Variants in TSC1 observed in about 807,000 individuals in gnomAD.
TSC1 encodes TSC complex subunit 1, also known as hamartin.
Under a neutral mutation model 124.3 loss-of-function variants are expected in TSC1, and 20 were observed. The observed-to-expected ratio is 0.16, with a 90% CI of 0.11 to 0.23. The LOEUF is 0.23. Among genes scored for constraint, TSC1 ranks in the 10% least tolerant of loss-of-function variants. The pLI is 1.00. For missense variants in TSC1, 1,124 were observed against 1,448.5 expected (o/e 0.78, Z 3.64); for synonymous variants, 493 against 539.1 (o/e 0.91, Z 1.19).
upstream of TSC1, among the ~76,000 whole-genome samples, chr9:132,945,034 G>A (rs1443452423): frequency 1.3e-5 from 2 of 152,062 alleles, no homozygotes; most frequent in South Asian, 2.1e-4. Flanking sequence ...CCCTGCCCCT[G>A]CCCCCCGAGT....
rs752706206 is a variant in TSC1, at chr9:132,921,337, T to A, written c.737+26A>T. The A allele has an allele frequency of 6.2e-7, 1 of 1,611,796 alleles. No homozygotes were observed. The highest frequency in any genetic ancestry group is 1.1e-5 in the South Asian group (1 of 91,014). On this transcript the variant is annotated intron_variant, in intron 8 of 22. Transcript: ENST00000298552. This position sits in a 1 kb window ranked among gnomAD's most constrained non-coding sequence, Gnocchi z 4.3. ...ATTTTCAATCTCTCGAAAGATTCTTTAAAATTTTGACACTAGTTTCTATAC... is the reference window on the plus strand; with the variant it reads ...ATTTTCAATCTCTCGAAAGATTCTTAAAAATTTTGACACTAGTTTCTATAC...
chr9:132,917,580 C>G (rs748716000), intron 8 of TSC1, among the ~76,000 whole-genome samples: 2 of 152,088 alleles, frequency 1.3e-5, no homozygotes, highest in Non-Finnish European at 2.9e-5. Context: ...GATCCTCCCC[C>G]GTCCGCCTCC....
chr9:132,908,990 C>T (rs370941129), intron 12 of TSC1, among the ~76,000 whole-genome samples: 12 of 150,118 alleles, frequency 8.0e-5, no homozygotes, highest in Non-Finnish European at 1.6e-4. Flanking sequence ...CTGCAACCTC[C>T]GCCTCCTGGG....
chr9:132,916,874 A>G (rs1379981784), intron 8 of TSC1, among the ~76,000 whole-genome samples: 1 of 152,216 alleles, frequency 6.6e-6, no homozygotes, highest in Non-Finnish European at 1.5e-5. Context: ...TAAAACGGTC[A>G]TGATCAGGCC....
In TSC1 at chr9:132,894,333, A is replaced by C. The variant is rs142038787; in HGVS notation, c.*1902T>G. The C allele has an allele frequency of 2.3e-3, 528 of 231,164 alleles. No individual in the cohort carries two copies. Among genetic ancestry groups the C allele is most frequent in the African/African-American group, 6.6e-3 (299 of 45,334 alleles). The allele number at this position is 231,164 out of a possible 1,614,324, so 14.3% of individuals were successfully genotyped here. Reference sequence around the variant, plus strand: ...GATCTCTTGGGCATGAGGAGAAGGAAAGCACTTAAAACCAGTTTCAGGATT... The same window carrying C: ...GATCTCTTGGGCATGAGGAGAAGGACAGCACTTAAAACCAGTTTCAGGATT... On this transcript the variant is annotated 3_prime_UTR_variant, in exon 23 of 23. Coordinates refer to ENST00000298552, the MANE Select transcript of TSC1 (RefSeq NM_000368.5).
chr9:132,905,769 C>A lies in TSC1; in HGVS notation c.1809G>T (p.Pro603=), dbSNP rs112434645. The A allele has an allele frequency of 9.3e-6, 15 of 1,614,004 alleles. No homozygotes were observed. The African/African-American group carries it at 1.3e-4, about 14-fold the overall frequency. Residue 603 remains proline, a synonymous_variant, in exon 15 of 23, where the codon CCG becomes CCT. Transcript: ENST00000298552. ...RVGFGSGQPP[P]YDHLFEVALP... is the part of the protein sequence containing the mutation. ...ATGCCACCTCAAAAAGATGATCATA[C>A]GGGGGAGGCTGCCCGCTTCCAAAGC...
chr9:132,927,046 T>C, intron 4 of TSC1, 155 bp downstream of exon 4: 1 of 732,046 alleles, frequency 1.4e-6, no homozygotes. Context: ...TCCTACAAAG[T>C]AATTTTTATA....
chr9:132,900,919 G>A (rs1845341332), intron 19 of TSC1, 82 bp from the exon 20 acceptor site: 1 of 1,598,244 alleles, frequency 6.3e-7, no homozygotes, highest in Non-Finnish European at 8.6e-7. Context: ...GAATCAGCTA[G>A]GAGCACACTA....
At chr9:132,929,840 G>T (rs1373759380) in intron 2 of TSC1, among the ~76,000 whole-genome samples, 1 of 152,114 alleles carries the variant, frequency 6.6e-6, no homozygotes. Context: ...CAAGCCATTT[G>T]TTCTGGGTCA....
intron 1 of TSC1, among the ~76,000 whole-genome samples, chr9:132,937,123 C>G (rs1847493544): frequency 6.6e-6 from 1 of 152,250 alleles, no homozygotes. Flanking sequence ...GCCACACTCA[C>G]TGCAAGTCAC....
rs774196458 is a variant in TSC1, at chr9:132,896,623, C to T, written c.3107G>A (p.Gly1036Glu). 11 of 1,613,782 alleles carry T rather than the reference C, an allele frequency of 6.8e-6. No homozygotes were observed. Among genetic ancestry groups the T allele is most frequent in the Admixed American group, 1.7e-5 (1 of 59,996 alleles). The part of the protein sequence containing the change: ...ARGSSGSRGG[G>E]GSSSSSSELS... ...CTCGCTGCTGCTGCTGCTGCTGCCT[C>T]CACCACCTCTGCTTCCACTACTGCC... Residue 1036 changes from glycine (G) to glutamate (E), a missense_variant, in exon 23 of 23, where the codon GGA becomes GAA. By Grantham distance (98) the Gly-to-Glu change is moderately conservative. Transcript: ENST00000298552. This position sits in a 1 kb window ranked among gnomAD's most constrained non-coding sequence, Gnocchi z 4.5.
At chr9:132,930,386 C>T (rs185809434) in intron 2 of TSC1, among the ~76,000 whole-genome samples, 37 of 152,042 alleles carry the variant, frequency 2.4e-4, no homozygotes, top group Non-Finnish European at 5.0e-4. Flanking sequence ...GTCAAGAGTT[C>T]GAGACCAACC....
In TSC1 at chr9:132,910,265, C is replaced by T. The variant is rs146105938; in HGVS notation, c.1263+306G>A. The T allele has an allele frequency of 1.1e-3, 623 of 587,814 alleles. 1 individual carries two copies. In the African/African-American group the frequency reaches 0.011, roughly 10 times the overall value. 36.4% of individuals were successfully genotyped at this position (587,814 alleles called of 1,614,324 possible). A position where few individuals can be genotyped will look rare whatever the true frequency, so the allele number is the denominator to read the frequency against. On this transcript the variant is annotated intron_variant, in intron 12 of 22. Transcript: ENST00000298552. ...GCAGTGAGCCATGATCGTGCCACTGCACTCCACCCTGGGCGACAGAGCAAG... is the reference window on the plus strand; with the variant it reads ...GCAGTGAGCCATGATCGTGCCACTGTACTCCACCCTGGGCGACAGAGCAAG...
chr9:132,904,002 C>T (rs775537928), intron 16 of TSC1, among the ~76,000 whole-genome samples, 185 bp from the exon 17 acceptor site: 3 of 152,210 alleles, frequency 2.0e-5, no homozygotes, highest in African/African-American at 4.8e-5. Flanking sequence ...GTGTCTCCCC[C>T]GTGAAGGAAT....
intron 6 of TSC1, among the ~76,000 whole-genome samples, chr9:132,922,474 T>C (rs776594105): frequency 2.6e-5 from 4 of 152,240 alleles, no homozygotes; most frequent in African/African-American, 9.6e-5. Context: ...TTTAAATCAG[T>C]ATGTAGTCTT....
At chr9:132,915,215 C>A (rs372361542) in intron 8 of TSC1, among the ~76,000 whole-genome samples, 11 of 151,850 alleles carry the variant, frequency 7.2e-5, no homozygotes, top group Non-Finnish European at 1.6e-4. Context: ...ATGCTTTCCA[C>A]GTGCCTGTAC....
rs537725546 is a variant in TSC1, at chr9:132,935,183, C to T, written c.-143-88G>A. On this transcript the variant is annotated intron_variant, in intron 1 of 22. Coordinates refer to ENST00000298552, the MANE Select transcript of TSC1 (RefSeq NM_000368.5). ...GGGTTCATCTGGCACAAGCTTCTTC[C>T]TCCTCTATCCCTGACAGGTGGCCAC... 2.0e-5 allele frequency: 8 copies of T among 397,640 alleles called. No individual in the cohort carries two copies. In the South Asian group the frequency reaches 8.1e-4, roughly 40 times the overall value. 24.6% of individuals were successfully genotyped at this position (397,640 alleles called of 1,614,324 possible).
At position 132,903,552 on chromosome 9, in the gene TSC1, G is replaced by C; in HGVS notation, c.2208+99C>G. On this transcript the variant is annotated intron_variant, in intron 17 of 22. Coordinates refer to ENST00000298552, the MANE Select transcript of TSC1 (RefSeq NM_000368.5). The surrounding 1 kb of genome is among the most constrained non-coding windows in gnomAD (Gnocchi z 5.9). ...CTGCCCAAAGGAGTGGGAAGGACTG[G>C]GAACTCTGACCTCCTCGGCTGCTGT... 6.4e-7 allele frequency: 1 copy of C among 1,570,950 alleles called. No individual in the cohort carries two copies. The highest frequency in any genetic ancestry group is 1.1e-5 in the South Asian group (1 of 89,472).
intron 1 of TSC1, chr9:132,942,179 C>T (rs887749226): frequency 1.3e-5 from 2 of 152,166 alleles, no homozygotes; most frequent in Non-Finnish European, 2.9e-5. Context: ...CCCACCACTA[C>T]ACAAATAAAA....
Sources: allele counts gnomAD v4.1 joint callset (sites outside exome capture counted in the v4.1 genomes callset), GRCh38; gene constraint gnomAD v4.1.1; non-coding constraint Gnocchi (gnomAD v3.1); transcripts MANE v1.5; gene names NCBI Gene and HGNC (gene_info 2026-07-23, HGNC 2026-07-21).